Variants in MKLN1 observed in about 807,000 individuals in gnomAD.
The protein encoded by MKLN1 is muskelin.
Under a neutral mutation model 99.0 loss-of-function variants are expected in MKLN1, and 18 were observed. The observed-to-expected ratio is 0.18, with a 90% confidence interval of 0.13 to 0.27. The LOEUF is 0.27. MKLN1 is among the 10% of genes least tolerant of loss of function. MKLN1 has a pLI of 1.00. For missense variants in MKLN1, 621 were observed against 875.9 expected, an observed-to-expected ratio of 0.71 and a Z score of 3.67; for synonymous variants, 288 against 293.2, an observed-to-expected ratio of 0.98 and a Z score of 0.18.
chr7:131,254,956 GTCATGGCT>G (rs1345225573), intron 3 of MKLN1, among the ~76,000 whole-genome samples: 1 of 151,844 alleles, frequency 6.6e-6, no homozygotes, highest in Non-Finnish European at 1.5e-5. Flanking sequence ...CAGTGGCACA[GTCATGGCT>G]TACTGCAGCC....
intron 2 of MKLN1, among the ~76,000 whole-genome samples, chr7:131,161,993 A>G (rs1182661501): frequency 3.5e-5 from 3 of 85,448 alleles, no homozygotes; most frequent in Admixed American, 1.4e-4. Flanking sequence ...ATATATATAT[A>G]TATATATGTA....
intron 3 of MKLN1, among the ~76,000 whole-genome samples, chr7:131,291,690 T>C (rs1798220323): frequency 6.8e-6 from 1 of 147,228 alleles, no homozygotes; most frequent in African/African-American, 2.5e-5. Flanking sequence ...ACTTTTCCCA[T>C]GGGGAATAAT....
chr7:131,269,207 G>A (rs1184144933), intron 3 of MKLN1, among the ~76,000 whole-genome samples: 2 of 152,212 alleles, frequency 1.3e-5, no homozygotes, highest in African/African-American at 4.8e-5. Flanking sequence ...CTTCATATCT[G>A]TTTTAGTCAG....
chr7:131,227,984 C>T (rs556613954), intron 3 of MKLN1, among the ~76,000 whole-genome samples: 2 of 152,352 alleles, frequency 1.3e-5, no homozygotes, highest in African/African-American at 4.8e-5. Context: ...GGCCCAGCTT[C>T]GTGTGTGGCC....
intron 2 of MKLN1, among the ~76,000 whole-genome samples, chr7:131,160,902 G>A (rs74761227): frequency 0.053 from 8,082 of 152,180 alleles, 379 homozygotes; most frequent in African/African-American, 0.13. Flanking sequence ...CAGAAGGGGA[G>A]AAGTATAGGA....
chr7:131,442,887 A>T (rs1795883345), intron 10 of MKLN1, among the ~76,000 whole-genome samples: 2 of 152,254 alleles, frequency 1.3e-5, no homozygotes, highest in South Asian at 4.1e-4. Context: ...GCTTAATTCA[A>T]AGAAAATTAA....
upstream of MKLN1, chr7:131,327,170 T>A (rs1157696390): frequency 6.6e-6 from 1 of 152,218 alleles, no homozygotes. Flanking sequence ...GTGGGCAGAT[T>A]TGCCAACTGA....
chr7:131,472,873 G>A (rs1051182908), intron 16 of MKLN1, among the ~76,000 whole-genome samples: 4 of 150,732 alleles, frequency 2.7e-5, no homozygotes, highest in African/African-American at 9.8e-5. Context: ...GCATGAACCC[G>A]GGATGCGGAG....
intron 8 of MKLN1, among the ~76,000 whole-genome samples, chr7:131,422,768 C>G (rs562072539): frequency 1.3e-5 from 2 of 151,288 alleles, no homozygotes; most frequent in Admixed American, 6.6e-5. Flanking sequence ...GCTGTCTTCT[C>G]TAAGGATACA....
At chr7:131,345,096 G>A (rs1233206540) in intron 1 of MKLN1, among the ~76,000 whole-genome samples, 10 of 152,176 alleles carry the variant, frequency 6.6e-5, no homozygotes, top group East Asian at 5.8e-4. Flanking sequence ...ATGAGCCACC[G>A]CACCTGGACT....
At chr7:131,330,429 AT>A (rs1200338767) in intron 1 of MKLN1, among the ~76,000 whole-genome samples, 1 of 152,198 alleles carries the variant, frequency 6.6e-6, no homozygotes, top group African/African-American at 2.4e-5. Flanking sequence ...TCTTATGAAC[AT>A]TTTTAAGTGT....
chr7:131,360,194 G>A (rs1799989422), intron 1 of MKLN1, among the ~76,000 whole-genome samples: 1 of 151,926 alleles, frequency 6.6e-6, no homozygotes. Context: ...ATCTTTATGG[G>A]GGTTTCTGGT....
intron 1 of MKLN1, among the ~76,000 whole-genome samples, chr7:131,131,451 A>T (rs866560428): frequency 6.6e-6 from 1 of 152,204 alleles, no homozygotes; most frequent in Non-Finnish European, 1.5e-5. Flanking sequence ...CCACTTCCCA[A>T]GTACTTATGT....
At chr7:131,356,829 G>C (rs571898098) in intron 1 of MKLN1, among the ~76,000 whole-genome samples, 1 of 152,284 alleles carries the variant, frequency 6.6e-6, no homozygotes, top group East Asian at 1.9e-4. Flanking sequence ...ATTCCGTATG[G>C]GTCTGCCACA....
intron 1 of MKLN1, among the ~76,000 whole-genome samples, chr7:131,374,031 T>C (rs1270641604): frequency 6.6e-6 from 1 of 152,228 alleles, no homozygotes; most frequent in African/African-American, 2.4e-5. Context: ...TGTATCAATA[T>C]AGACTCATGG....
At chr7:131,208,401 C>G (rs961640368) in intron 3 of MKLN1, among the ~76,000 whole-genome samples, 2 of 152,060 alleles carry the variant, frequency 1.3e-5, no homozygotes, top group South Asian at 4.1e-4. Flanking sequence ...TGAGAGCAGC[C>G]TGGGCAACAC....
chr7:131,460,755 G>A (rs1413783422), intron 12 of MKLN1, among the ~76,000 whole-genome samples: 5 of 152,152 alleles, frequency 3.3e-5, no homozygotes, highest in Non-Finnish European at 7.3e-5. Context: ...ATTTGACCCT[G>A]AGCAGGGCAG....
intron 1 of MKLN1, among the ~76,000 whole-genome samples, chr7:131,353,724 TA>T (rs1799785888): frequency 1.3e-5 from 2 of 152,098 alleles, no homozygotes; most frequent in Non-Finnish European, 1.5e-5. Context: ...CTTATGTTTA[TA>T]TTTTTTTAAA....
intron 2 of MKLN1, among the ~76,000 whole-genome samples, chr7:131,168,594 A>C (rs1796169534): frequency 6.6e-6 from 1 of 152,056 alleles, no homozygotes; most frequent in Admixed American, 6.5e-5. Flanking sequence ...TTATGTATTT[A>C]CTTATTTATT....
Sources: gnomAD v4.1 joint callset for allele counts (sites outside exome capture counted in the v4.1 genomes callset) on GRCh38, gnomAD v4.1.1 for gene constraint, MANE v1.5 for transcripts, NCBI Gene and HGNC (gene_info 2026-07-23, HGNC 2026-07-21) for gene names.